The following EBI3 variants were observed in gnomAD, a reference collection of about 807,000 sequenced individuals.
EBI3 encodes Epstein-Barr virus induced 3.
A neutral mutation model predicts 21.3 loss-of-function variants in EBI3; 19 were observed. The observed-to-expected ratio is 0.89, with a 90% CI of 0.62 to 1.31. The LOEUF (loss-of-function observed/expected upper bound fraction) is 1.31. Among genes scored for constraint, EBI3 ranks in the 50% most tolerant of loss-of-function variants. The probability of loss-of-function intolerance (pLI) is 0.00; values close to 1 mark genes in which losing one functional copy is unlikely to be tolerated. For missense variants in EBI3, 331 were observed against 314.0 expected, an observed-to-expected ratio of 1.05 and a Z score of -0.41; for synonymous variants, 154 against 131.2, an observed-to-expected ratio of 1.17 and a Z score of -1.19.
At chr19:4,234,449 A>T (rs1354853079) in intron 3 of EBI3, among the ~76,000 whole-genome samples, 1 of 151,378 alleles carries the variant, frequency 6.6e-6, no homozygotes, top group Non-Finnish European at 1.5e-5. Context: ...GTGGCTCACA[A>T]CTACTCGGGA....
intron 3 of EBI3, among the ~76,000 whole-genome samples, chr19:4,234,138 G>A (rs1324838563): frequency 6.6e-6 from 1 of 152,166 alleles, no homozygotes; most frequent in East Asian, 1.9e-4. Flanking sequence ...CCCAGGAGGT[G>A]GAGGTTGCCG....
intron 2 of EBI3, among the ~76,000 whole-genome samples, chr19:4,232,793 A>G (rs141664229): frequency 0.16 from 9,624 of 62,006 alleles, 505 homozygotes; most frequent in South Asian, 0.38. Context: ...TGAATGAAGG[A>G]ATGAATTAAT....
At chr19:4,231,464 C>T (rs988568448) in intron 2 of EBI3, 141 bp downstream of exon 2, 168 of 1,266,314 alleles carry the variant, frequency 1.3e-4, no homozygotes, top group Non-Finnish European at 1.5e-4. Context: ...AGGGCGGCCC[C>T]GTCCAATAGA....
chr19:4,234,990 G>A (rs1217131488), intron 4 of EBI3, among the ~76,000 whole-genome samples, 166 bp downstream of exon 4: 1 of 152,134 alleles, frequency 6.6e-6, no homozygotes, highest in Non-Finnish European at 1.5e-5. Context: ...CGAAAAGGAT[G>A]GAAAGCAGGG....
intron 4 of EBI3, 147 bp downstream of exon 4, chr19:4,234,971 G>C: frequency 8.3e-7 from 1 of 1,199,044 alleles, no homozygotes; most frequent in South Asian, 1.6e-5. Context: ...CTGATTCCTA[G>C]GCCTCTACCG....
At chr19:4,233,514 A>G (rs1970810662) in intron 3 of EBI3, among the ~76,000 whole-genome samples, 1 of 151,792 alleles carries the variant, frequency 6.6e-6, no homozygotes, top group African/African-American at 2.4e-5. Flanking sequence ...CCTGGCCTCC[A>G]CAGTCTGTCC....
Position 4,233,278 on chromosome 19 carries a change from G to A in EBI3, c.350G>A (p.Ser117Asn). 1 of 1,611,644 alleles carries A rather than the reference G, an allele frequency of 6.2e-7. No homozygotes were observed. The change falls in exon 3 of 5, where the codon AGC becomes AAC. Residue 117 changes from serine (S) to asparagine (N), a missense_variant. Coordinates refer to ENST00000221847, the MANE Select transcript of EBI3 (RefSeq NM_005755.3). Reference sequence around the variant, plus strand: ...GTCCACCCCTGGGGCTCCAGCAGCAGCTTCGTGCCTTTCATAACAGAGCAC... The same window carrying A: ...GTCCACCCCTGGGGCTCCAGCAGCAACTTCGTGCCTTTCATAACAGAGCAC... ...TAVHPWGSSS[S>N]FVPFITEHII...
At position 4,233,169 on chromosome 19, in the gene EBI3, C is replaced by A; in HGVS notation, c.241C>A (p.Gln81Lys). Residue 81 changes from glutamine to lysine, a missense_variant, in exon 3 of 5, where the codon CAG becomes AAG. Gln to Lys is a moderately conservative substitution (Grantham distance 53). Transcript: ENST00000221847. ...AARGHSWPCL[Q>K]QTPTSTSCTI... Reference sequence around the variant, plus strand: ...CCGGGGCCACAGCTGGCCCTGCCTGCAGCAGACGCCAACGTCCACCAGCTG... The same window carrying A: ...CCGGGGCCACAGCTGGCCCTGCCTGAAGCAGACGCCAACGTCCACCAGCTG... 6.2e-7 allele frequency: 1 copy of A among 1,607,164 alleles called. No individual in the cohort carries two copies. The highest frequency in any genetic ancestry group is 8.5e-7 in the Non-Finnish European group (1 of 1,179,452).
rs1568354563 is a variant in EBI3 at position 4,229,542 on chromosome 19, GC to G, written c.-7del. On this transcript the variant is annotated 5_prime_UTR_variant, in exon 1 of 5. Transcript: ENST00000221847. ...CCACCCACTCCTGAGAGCAGAGCTG[GC>G]CGCAGCCATGACCCCGCAGCTTCTC... The G allele has an allele frequency of 2.5e-6, 4 of 1,608,786 alleles. No homozygotes were observed. In the South Asian group the frequency reaches 3.3e-5, roughly 13 times the overall value.
rs1970778979 is a variant in EBI3, at chr19:4,231,219, G to A, written c.96G>A (p.Arg32=). The A allele has an allele frequency of 1.2e-6, 2 of 1,606,342 alleles. No homozygotes were observed. Among genetic ancestry groups the A allele is most frequent in the East Asian group, 2.3e-5 (1 of 44,356 alleles). ...CCCCAGCAGCTCTGACACTGCCCCG[G>A]GTGCAATGCCGAGCCTCTCGGTACC... ...KGPPAALTLP[R]VQCRASRYPI... is the part of the protein sequence containing the mutation. The change falls in exon 2 of 5, where the codon CGG becomes CGA. Residue 32 remains arginine, a synonymous_variant. Transcript: ENST00000221847.
In EBI3 at chr19:4,233,210, C is replaced by G. The variant is rs369255660; in HGVS notation, c.282C>G (p.Val94=). The change falls in exon 3 of 5, where the codon GTC becomes GTG. Residue 94 remains valine (V), a synonymous_variant. Coordinates refer to ENST00000221847, the MANE Select transcript of EBI3 (RefSeq NM_005755.3). The part of the protein sequence containing the change: ...PTSTSCTITD[V]QLFSMAPYVL... ...CCACCAGCTGCACCATCACGGATGT[C>G]CAGCTGTTCTCCATGGCTCCCTACG... 1.2e-5 allele frequency: 20 copies of G among 1,612,822 alleles called. No individual in the cohort carries two copies. Among genetic ancestry groups the G allele is most frequent in the African/African-American group, 1.3e-5 (1 of 75,036 alleles).
At chr19:4,236,433 G>A (rs1286470871) in intron 4 of EBI3, among the ~76,000 whole-genome samples, 1 of 138,968 alleles carries the variant, frequency 7.2e-6, no homozygotes, top group African/African-American at 2.7e-5. Context: ...GACGTGAGAG[G>A]ATGGTTTGAG....
At chr19:4,231,784 A>C (rs1404741624) in intron 2 of EBI3, among the ~76,000 whole-genome samples, 1 of 146,520 alleles carries the variant, frequency 6.8e-6, no homozygotes. Flanking sequence ...AAAAAAAAAA[A>C]AAAACTACTT....
chr19:4,235,934 A>T (rs1423209144), intron 4 of EBI3, among the ~76,000 whole-genome samples: 1 of 152,096 alleles, frequency 6.6e-6, no homozygotes, highest in Non-Finnish European at 1.5e-5. Context: ...CTCCCAACTT[A>T]AATAAATTAA....
rs766911698 is a variant in EBI3 at position 4,236,918 on chromosome 19, C to T, written c.538-18C>T. ...CCATCTTCTGGTTCTAGTGACCTGA[C>T]GCTCTCTCTTCTCTCAGGTGGGGCC... On this transcript the variant is annotated intron_variant, in intron 4 of 4. Transcript: ENST00000221847. 1.0e-5 allele frequency: 15 copies of T among 1,477,510 alleles called. No individual in the cohort carries two copies. Among genetic ancestry groups the T allele is most frequent in the South Asian group, 5.5e-5 (4 of 72,442 alleles). 91.5% of individuals were successfully genotyped at this position (1,477,510 alleles called of 1,614,324 possible).
At chr19:4,233,025 T>C in intron 2 of EBI3, 104 bp from the exon 3 acceptor site, 1 of 1,321,646 alleles carries the variant, frequency 7.6e-7, no homozygotes, top group African/African-American at 1.5e-5. Flanking sequence ...CGCTGCCCCC[T>C]CCTGTTCCTG....
intron 3 of EBI3, among the ~76,000 whole-genome samples, chr19:4,233,818 C>A (rs76353132): frequency 0.12 from 17,729 of 152,224 alleles, 1,604 homozygotes; most frequent in South Asian, 0.3. Flanking sequence ...CACCTTCCCC[C>A]AAATGTCCCC....
chr19:4,232,595 G>T (rs188289011), intron 2 of EBI3, among the ~76,000 whole-genome samples: 2 of 149,870 alleles, frequency 1.3e-5, no homozygotes, highest in East Asian at 4.0e-4. Flanking sequence ...GTGGTGATGC[G>T]TGCCTGTAGT....
intron 2 of EBI3, among the ~76,000 whole-genome samples, chr19:4,232,787 TGAAGGAATGAATTAATGAATGAATGAAC>T (rs1568355540): frequency 7.4e-6 from 1 of 134,444 alleles, no homozygotes; most frequent in Non-Finnish European, 1.5e-5. Flanking sequence ...AATGAATGAA[TGAAGGAATGAATTAATGAATGAATGAAC>T]GGATGAATGA....
Sources: allele counts gnomAD v4.1 joint callset (sites outside exome capture counted in the v4.1 genomes callset), GRCh38; gene constraint gnomAD v4.1.1; transcripts MANE v1.5; gene names NCBI Gene and HGNC (gene_info 2026-07-23, HGNC 2026-07-21).